The following CLPTM1 variants were observed in gnomAD, a reference collection of about 807,000 sequenced individuals.
CLPTM1 encodes putative lipid scramblase CLPTM1.
CLPTM1 carries 21 observed loss-of-function variants against 77.3 expected under a neutral mutation model. The observed-to-expected ratio is 0.27, with a 90% CI of 0.19 to 0.39. The LOEUF (loss-of-function observed/expected upper bound fraction) is 0.39. CLPTM1 is among the 10% of genes least tolerant of loss of function. CLPTM1 has a pLI of 1.00. For synonymous variants in CLPTM1, 373 were observed against 381.0 expected (o/e 0.98, Z 0.24); for missense variants, 642 against 921.2 (o/e 0.70, Z 3.92).
chr19:44,992,539 C>T lies in CLPTM1; in HGVS notation c.1724-72C>T. 1.3e-6 allele frequency: 2 copies of T among 1,599,724 alleles called. No homozygotes were observed. The highest frequency in any genetic ancestry group is 1.7e-6 in the Non-Finnish European group (2 of 1,170,594). The stretch of plus-strand genomic sequence containing the variant: ...GGCTCGGCCCCGCCCTTGCATCACG[C>T]CCTCTCCACCCAGGCCCACCTGGCT... On this transcript the variant is annotated intron_variant, in intron 13 of 13. Coordinates refer to ENST00000337392, the MANE Select transcript of CLPTM1 (RefSeq NM_001294.4). The surrounding 1 kb of genome is among the most constrained non-coding windows in gnomAD (Gnocchi z 7.7).
In CLPTM1 at chr19:44,973,761, G is replaced by GTTTTTTTTTGTTTTTT. The variant is rs1970759149; in HGVS notation, c.309+560_309+561insGTTTTTTTTTTTTTTT. 6.4e-5 allele frequency among the ~76,000 whole-genome samples: 4 copies of GTTTTTTTTTGTTTTTT among 62,458 alleles called. 1 individual carries two copies. Among genetic ancestry groups the GTTTTTTTTTGTTTTTT allele is most frequent in the Non-Finnish European group, 1.6e-4 (4 of 25,392 alleles). The allele number at this position is 62,458 out of a possible 152,430, so 41.0% of individuals were successfully genotyped here. A position where few individuals can be genotyped will look rare whatever the true frequency, so the allele number is the denominator to read the frequency against. ...GGAAGTTCTTGTTGGGTCACAGTGGGTTTTTTTTTTTTTTTTTTTTGAGAT... is the reference window on the plus strand; with the variant it reads ...GGAAGTTCTTGTTGGGTCACAGTGGGTTTTTTTTTGTTTTTTTTTTTTTTTTTTTTTTTTTTGAGAT... On this transcript the variant is annotated intron_variant, in intron 3 of 13. Coordinates refer to ENST00000337392, the MANE Select transcript of CLPTM1 (RefSeq NM_001294.4).
chr19:44,982,191 A>C (rs984123559), intron 5 of CLPTM1, among the ~76,000 whole-genome samples: 1 of 151,978 alleles, frequency 6.6e-6, no homozygotes, highest in East Asian at 1.9e-4. Flanking sequence ...TATACTAAAA[A>C]TACAAAAATT....
chr19:44,970,294 C>G (rs762111680), intron 2 of CLPTM1, among the ~76,000 whole-genome samples: 2 of 146,980 alleles, frequency 1.4e-5, no homozygotes, highest in African/African-American at 5.3e-5. Context: ...GGTAGGCCAC[C>G]TGGTTCCTTC....
intron 5 of CLPTM1, among the ~76,000 whole-genome samples, chr19:44,981,188 A>G (rs775846980): frequency 1.3e-5 from 2 of 151,712 alleles, no homozygotes; most frequent in Non-Finnish European, 2.9e-5. Context: ...CTTGTTGCCC[A>G]GGCTGGAGTA....
intron 6 of CLPTM1, 89 bp from the exon 7 acceptor site, chr19:44,986,366 C>A: frequency 6.7e-7 from 1 of 1,488,512 alleles, no homozygotes; most frequent in Non-Finnish European, 9.1e-7. Context: ...AAGATTTTCT[C>A]GGGAACCCTG....
Position 44,991,436 on chromosome 19 carries a change from G to C in CLPTM1, c.1555+63G>C. The C allele has an allele frequency of 6.3e-7, 1 of 1,581,018 alleles. No homozygotes were observed. Among genetic ancestry groups the C allele is most frequent in the Non-Finnish European group, 8.6e-7 (1 of 1,164,506 alleles). Reference sequence around the variant, plus strand: ...ATGCTGCGCAGGGCTCACAGCCCCAGTGTAGGAGACAGACCCATCCCCAGA... The same window carrying C: ...ATGCTGCGCAGGGCTCACAGCCCCACTGTAGGAGACAGACCCATCCCCAGA... On this transcript the variant is annotated intron_variant, in intron 12 of 13. Coordinates refer to ENST00000337392, the MANE Select transcript of CLPTM1 (RefSeq NM_001294.4). The surrounding 1 kb of genome is among the most constrained non-coding windows in gnomAD (Gnocchi z 5.4).
chr19:44,959,302 C>T (rs1022343063), intron 1 of CLPTM1, among the ~76,000 whole-genome samples: 4 of 149,318 alleles, frequency 2.7e-5, no homozygotes, highest in Admixed American at 1.3e-4. Flanking sequence ...TCAATGGATC[C>T]TCCTGCCTTG....
intron 5 of CLPTM1, among the ~76,000 whole-genome samples, 191 bp from the exon 6 acceptor site, chr19:44,985,027 A>C (rs1402375813): frequency 6.6e-6 from 1 of 152,120 alleles, no homozygotes; most frequent in East Asian, 1.9e-4. Flanking sequence ...CCCCATGATC[A>C]TGAGGAACTG....
intron 5 of CLPTM1, 134 bp from the exon 6 acceptor site, chr19:44,985,084 T>C (rs1970956747): frequency 1.6e-6 from 1 of 613,204 alleles, no homozygotes; most frequent in Non-Finnish European, 2.9e-6. Context: ...CCAGGTCACA[T>C]TGATCTCAGC....
chr19:44,988,967 G>A (rs1971026151), intron 9 of CLPTM1, among the ~76,000 whole-genome samples: 1 of 152,206 alleles, frequency 6.6e-6, no homozygotes, highest in African/African-American at 2.4e-5. Context: ...GATCACCTAA[G>A]CCCCGGAGTT....
intron 4 of CLPTM1, among the ~76,000 whole-genome samples, chr19:44,975,093 G>A (rs1053857687): frequency 1.3e-5 from 2 of 152,176 alleles, no homozygotes; most frequent in East Asian, 1.9e-4. Context: ...AGGCCACATC[G>A]CATGAGAGAT....
upstream of CLPTM1, chr19:44,954,633 C>G: frequency 9.2e-7 from 1 of 1,091,830 alleles, no homozygotes; most frequent in Non-Finnish European, 1.1e-6. Context: ...TAGAGCTGTA[C>G]GAAGACACAC....
Position 44,977,407 on chromosome 19 carries a change from A to G in CLPTM1, c.533A>G (p.Asp178Gly), listed in dbSNP as rs1421508090. ...VYFTKSGFHP[D>G]PRQKALYRRL... ...TTCACCAAGAGTGGCTTCCACCCAGACCCCCGGCAGAAGGCCCTGTACCGC... is the reference window on the plus strand; with the variant it reads ...TTCACCAAGAGTGGCTTCCACCCAGGCCCCCGGCAGAAGGCCCTGTACCGC... Residue 178 changes from aspartate to glycine, a missense_variant, in exon 5 of 14, where the codon GAC becomes GGC. This residue lies in a region of CLPTM1 where 521 missense variants were observed against 800.4 expected (regional missense o/e 0.65). Coordinates refer to ENST00000337392, the MANE Select transcript of CLPTM1 (RefSeq NM_001294.4). 1 of 1,609,166 alleles carries G rather than the reference A, an allele frequency of 6.2e-7. No individual in the cohort carries two copies. Among genetic ancestry groups the G allele is most frequent in the Non-Finnish European group, 8.5e-7 (1 of 1,179,818 alleles).
chr19:44,986,966 T>C, intron 7 of CLPTM1: 1 of 618,846 alleles, frequency 1.6e-6, no homozygotes, highest in Non-Finnish European at 2.8e-6. Flanking sequence ...GAGCCACAGC[T>C]GCCCCCTTCA....
intron 2 of CLPTM1, among the ~76,000 whole-genome samples, chr19:44,966,305 G>T (rs971244397): frequency 1.3e-5 from 2 of 152,098 alleles, no homozygotes; most frequent in Non-Finnish European, 2.9e-5. Context: ...CAGCTACTCG[G>T]GAGGCTGAGG....
At position 44,986,417 on chromosome 19, in the gene CLPTM1, C is replaced by T. The variant is rs1010002728; in HGVS notation, c.673-38C>T. The T allele has an allele frequency of 2.5e-6, 4 of 1,608,860 alleles. No individual in the cohort carries two copies. In the African/African-American group the frequency reaches 5.3e-5, roughly 22 times the overall value. On this transcript the variant is annotated intron_variant, in intron 6 of 13. Transcript: ENST00000337392. ...GAGAGTGATAGTCCCCGAGCACTTC[C>T]ACCTGCCTCTGAGGTCCTTCCCCCC... is the stretch of plus-strand genomic sequence containing the variant.
chr19:44,981,107 C>T lies in CLPTM1; in HGVS notation c.586+3647C>T, dbSNP rs182300560. Reference sequence around the variant, plus strand: ...CCACCCGCCTTGGCCTCCCAAAGCACTGGGATTACAGGCATGAGCCAGCGC... The same window carrying T: ...CCACCCGCCTTGGCCTCCCAAAGCATTGGGATTACAGGCATGAGCCAGCGC... On this transcript the variant is annotated intron_variant, in intron 5 of 13. Coordinates refer to ENST00000337392, the MANE Select transcript of CLPTM1 (RefSeq NM_001294.4). Among the ~76,000 whole-genome samples the T allele has an allele frequency of 4.3e-3, 641 of 150,496 alleles. 9 individuals carry two copies. Among genetic ancestry groups the T allele is most frequent in the African/African-American group, 0.015 (612 of 40,934 alleles).
At chr19:44,981,983 G>A (rs908055582) in intron 5 of CLPTM1, among the ~76,000 whole-genome samples, 11 of 151,854 alleles carry the variant, frequency 7.2e-5, no homozygotes, top group African/African-American at 1.5e-4. Flanking sequence ...ACATATTCTC[G>A]TTTCAACATA....
rs150484293 is a variant in CLPTM1, at chr19:44,992,837, C to T, written c.1950C>T (p.Ser650=). 4,443 of 1,613,790 alleles carry T rather than the reference C, an allele frequency of 2.8e-3. 7 individuals are homozygous for T. Among genetic ancestry groups the T allele is most frequent in the Non-Finnish European group, 3.4e-3 (3,997 of 1,179,884 alleles). Residue 650 remains serine (S), a synonymous_variant, in exon 14 of 14, where the codon AGC becomes AGT. Transcript: ENST00000337392. The surrounding 1 kb of genome is among the most constrained non-coding windows in gnomAD (Gnocchi z 7.7). Reference sequence around the variant, plus strand: ...CCACCAAGCCCACCCAGGGGGCCAGCTCTGCCAGCGAGCCCCAGGAAGCCC... The same window carrying T: ...CCACCAAGCCCACCCAGGGGGCCAGTTCTGCCAGCGAGCCCCAGGAAGCCC... ...SLPTKPTQGA[S]SASEPQEAPP...
Sources: gnomAD v4.1 joint callset for allele counts (sites outside exome capture counted in the v4.1 genomes callset) on GRCh38, gnomAD v4.1.1 for gene constraint, gnomAD v4.1.1 regional missense constraint, Gnocchi (gnomAD v3.1) non-coding constraint, MANE v1.5 for transcripts, NCBI Gene and HGNC (gene_info 2026-07-23, HGNC 2026-07-21) for gene names.